The following DPP10 variants were observed in gnomAD, a reference collection of about 807,000 sequenced individuals.
The protein encoded by DPP10 is dipeptidyl peptidase like 10, also known as inactive dipeptidyl peptidase 10.
A neutral mutation model predicts 120.9 loss-of-function variants in DPP10; 33 were observed. The observed-to-expected ratio is 0.27, with a 90% CI of 0.21 to 0.37. DPP10 has a LOEUF of 0.37. Among genes scored for constraint, DPP10 ranks in the 10% least tolerant of loss-of-function variants. DPP10 has a pLI of 1.00. For synonymous variants in DPP10, 337 were observed against 326.1 expected (o/e 1.03, Z -0.36); for missense variants, 816 against 942.8 (o/e 0.87, Z 1.76).
At chr2:115,638,422 G>A (rs946001110) in intron 5 of DPP10, among the ~76,000 whole-genome samples, 3 of 152,118 alleles carry the variant, frequency 2.0e-5, no homozygotes, top group Admixed American at 1.3e-4. Context: ...GTCAACCTTG[G>A]CATTATCTCT....
chr2:115,468,587 G>T, intron 3 of DPP10: 1 of 395,780 alleles, frequency 2.5e-6, no homozygotes, highest in South Asian at 1.9e-5. Context: ...TGGTGGCCCG[G>T]GGAGTTCTGC....
intron 1 of DPP10, among the ~76,000 whole-genome samples, chr2:115,195,227 A>G (rs1055767376): frequency 7.2e-5 from 11 of 152,178 alleles, no homozygotes; most frequent in African/African-American, 2.4e-4. Flanking sequence ...TTTTAAGATC[A>G]TGTGATCTTT....
chr2:114,961,343 T>TAGTG (rs1553461657), intron 1 of DPP10, among the ~76,000 whole-genome samples: 1 of 152,104 alleles, frequency 6.6e-6, no homozygotes, highest in Non-Finnish European at 1.5e-5. Context: ...CATGAGCCAC[T>TAGTG]GCGCCTGGCC....
chr2:114,529,681 T>A (rs530267542), intron 1 of DPP10, among the ~76,000 whole-genome samples: 1 of 152,300 alleles, frequency 6.6e-6, no homozygotes. Flanking sequence ...CATTCCTTTT[T>A]AAAAATTTTT....
intron 1 of DPP10, among the ~76,000 whole-genome samples, chr2:115,127,899 C>A (rs1264474283): frequency 6.6e-6 from 1 of 152,130 alleles, no homozygotes; most frequent in Non-Finnish European, 1.5e-5. Context: ...ACTCATTATA[C>A]CTAGTTCATG....
chr2:115,738,727 T>G (rs570201689), intron 8 of DPP10, among the ~76,000 whole-genome samples: 12 of 152,142 alleles, frequency 7.9e-5, no homozygotes, highest in Admixed American at 4.6e-4. Flanking sequence ...TTTGTATATA[T>G]AGATAGAGAG....
rs1465972413 is a variant in DPP10 at position 115,016,391 on chromosome 2, C to A, written c.61-292848C>A. Among the ~76,000 whole-genome samples, 12 of 152,030 alleles carry A rather than the reference C, an allele frequency of 7.9e-5. 1 individual carries two copies. Among genetic ancestry groups the A allele is most frequent in the Non-Finnish European group, 1.3e-4 (9 of 68,002 alleles). On this transcript the variant is annotated intron_variant, in intron 1 of 25. Transcript: ENST00000410059. ...AAAGACTAAACATAAGACCTAAAAC[C>A]ATGAAAACCCTAGAAGAAAACCTAG...
intron 1 of DPP10, chr2:114,462,264 G>A: frequency 1.1e-5 from 5 of 467,442 alleles, no homozygotes; most frequent in Non-Finnish European, 1.4e-5. Context: ...CACTACTATA[G>A]TACATTTGTC....
At chr2:114,790,221 T>C (rs1683122940) in intron 1 of DPP10, among the ~76,000 whole-genome samples, 1 of 152,208 alleles carries the variant, frequency 6.6e-6, no homozygotes, top group Non-Finnish European at 1.5e-5. Context: ...ATTAAAGCCA[T>C]GGTGTGGAAT....
intron 1 of DPP10, among the ~76,000 whole-genome samples, chr2:114,952,860 G>A (rs1461281199): frequency 6.6e-6 from 1 of 152,192 alleles, no homozygotes; most frequent in Non-Finnish European, 1.5e-5. Context: ...AGCCATGTGA[G>A]GAGGAGTTGT....
intron 5 of DPP10, among the ~76,000 whole-genome samples, chr2:115,681,340 T>C (rs2090637065): frequency 6.6e-6 from 1 of 151,818 alleles, no homozygotes; most frequent in Non-Finnish European, 1.5e-5. Flanking sequence ...GAATTTATAT[T>C]TATTACCATT....
At chr2:114,680,562 T>C (rs772778704) in intron 1 of DPP10, among the ~76,000 whole-genome samples, 128 of 152,026 alleles carry the variant, frequency 8.4e-4, no homozygotes, top group Non-Finnish European at 1.6e-3. Context: ...CTGTACAATG[T>C]TTTCAATTGA....
intron 1 of DPP10, among the ~76,000 whole-genome samples, chr2:114,582,303 C>A (rs1690597991): frequency 6.6e-6 from 1 of 152,142 alleles, no homozygotes; most frequent in Non-Finnish European, 1.5e-5. Context: ...GAATAATATT[C>A]CATTGTCTAG....
intron 1 of DPP10, among the ~76,000 whole-genome samples, chr2:114,915,981 C>G (rs1694770715): frequency 6.6e-6 from 1 of 151,354 alleles, no homozygotes; most frequent in African/African-American, 2.4e-5. Flanking sequence ...AAGAAATAAC[C>G]AAAATCAGAG....
At chr2:114,697,749 CAAAAAAAAAA>C (rs1205351658) in intron 1 of DPP10, among the ~76,000 whole-genome samples, 3 of 89,078 alleles carry the variant, frequency 3.4e-5, no homozygotes, top group African/African-American at 1.4e-4. Context: ...GACTCTGTCT[CAAAAAAAAAA>C]AAAAAAAAAG....
chr2:115,375,234 T>G (rs2065700971), intron 3 of DPP10, among the ~76,000 whole-genome samples: 2 of 152,166 alleles, frequency 1.3e-5, no homozygotes, highest in South Asian at 4.1e-4. Flanking sequence ...GCTTAGAAGT[T>G]TCTTCCAATA....
intron 3 of DPP10, among the ~76,000 whole-genome samples, chr2:115,418,494 G>C (rs1205924703): frequency 6.6e-6 from 1 of 152,190 alleles, no homozygotes. Context: ...GAGCAAGCCA[G>C]GTACATTGGC....
intron 3 of DPP10, among the ~76,000 whole-genome samples, chr2:115,470,719 C>G (rs987962200): frequency 6.6e-6 from 1 of 151,976 alleles, no homozygotes; most frequent in East Asian, 1.9e-4. Flanking sequence ...ATTGCTTGTT[C>G]TTTTCAAAAT....
chr2:115,637,777 T>C lies in DPP10; in HGVS notation c.442-51910T>C, dbSNP rs547387520. On this transcript the variant is annotated intron_variant, in intron 5 of 25. Transcript: ENST00000410059. ...ACCTGGGGGGAAGCCTACACACAGC[T>C]CTCACTGATGGACAAGAACAGTGGC... 4.7e-4 allele frequency among the ~76,000 whole-genome samples: 72 copies of C among 152,270 alleles called. 1 individual carries two copies. The South Asian group carries it at 0.014, about 29-fold the overall frequency.
Sources: allele counts gnomAD v4.1 joint callset (sites outside exome capture counted in the v4.1 genomes callset), GRCh38; gene constraint gnomAD v4.1.1; transcripts MANE v1.5; gene names NCBI Gene and HGNC (gene_info 2026-07-23, HGNC 2026-07-21).